The following RHBDL3 variants were observed in gnomAD, a reference collection of about 807,000 sequenced individuals.
RHBDL3 encodes rhomboid like 3.
In RHBDL3, 28 loss-of-function variants were observed where a neutral mutation model predicts 48.2. The ratio of observed to expected loss-of-function variants is 0.58; its 90% CI spans 0.43 to 0.80. The LOEUF is 0.80. RHBDL3 is among the 30% of genes least tolerant of loss of function. The pLI is 0.00. For missense variants in RHBDL3, 464 were observed against 542.7 expected (o/e 0.85, Z 1.44); for synonymous variants, 208 against 232.3 (o/e 0.90, Z 0.95).
intron 7 of RHBDL3, among the ~76,000 whole-genome samples, chr17:32,313,849 C>G (rs932318310): frequency 3.4e-5 from 5 of 146,196 alleles, no homozygotes; most frequent in African/African-American, 1.3e-4. Flanking sequence ...CTCTGCCTCC[C>G]GAGTTCACGC....
intron 2 of RHBDL3, among the ~76,000 whole-genome samples, chr17:32,270,679 CCCCCGATTCTT>C (rs1339913829): frequency 6.6e-6 from 1 of 152,076 alleles, no homozygotes. Flanking sequence ...CACCCTCACT[CCCCCGATTCTT>C]CCCCATGGGT....
chr17:32,296,901 C>T (rs977850018), intron 5 of RHBDL3, among the ~76,000 whole-genome samples: 1 of 151,874 alleles, frequency 6.6e-6, no homozygotes, highest in East Asian at 1.9e-4. Flanking sequence ...GCAACCTCCA[C>T]CTCCCAGGTT....
At chr17:32,309,811 G>A (rs545225326) in intron 7 of RHBDL3, among the ~76,000 whole-genome samples, 72 of 131,762 alleles carry the variant, frequency 5.5e-4, no homozygotes, top group African/African-American at 2.0e-3. Context: ...ACAGGGTTTC[G>A]CTGTGTCACC....
chr17:32,266,343 C>CG (rs774371122), intron 1 of RHBDL3, 43 bp downstream of exon 1: 1 of 1,132,240 alleles, frequency 8.8e-7, no homozygotes, highest in Non-Finnish European at 1.2e-6. Flanking sequence ...TAGGGGGCGC[C>CG]GGGGGGAAAA....
chr17:32,303,745 C>T (rs916715909), intron 6 of RHBDL3, among the ~76,000 whole-genome samples: 1 of 151,970 alleles, frequency 6.6e-6, no homozygotes, highest in Non-Finnish European at 1.5e-5. Flanking sequence ...GTAGGGGAGG[C>T]CTTGATGGAG....
intron 2 of RHBDL3, 146 bp from the exon 3 acceptor site, chr17:32,284,513 G>C: frequency 1.5e-6 from 1 of 676,640 alleles, no homozygotes; most frequent in Non-Finnish European, 2.5e-6. Context: ...TTCCCAGGGG[G>C]GTCCTTGGAA....
At chr17:32,274,291 C>G (rs960022687) in intron 2 of RHBDL3, among the ~76,000 whole-genome samples, 2 of 152,174 alleles carry the variant, frequency 1.3e-5, no homozygotes, top group African/African-American at 4.8e-5. Context: ...CTGGCAATTC[C>G]TGCTGGAGCT....
At chr17:32,276,384 C>A (rs569915932) in intron 2 of RHBDL3, among the ~76,000 whole-genome samples, 97 of 152,274 alleles carry the variant, frequency 6.4e-4, no homozygotes, top group African/African-American at 2.2e-3. Flanking sequence ...GAGAAAGCTC[C>A]TACTCCCCTA....
intron 6 of RHBDL3, among the ~76,000 whole-genome samples, chr17:32,305,052 C>T (rs2040675590): frequency 6.6e-6 from 1 of 151,362 alleles, no homozygotes; most frequent in Non-Finnish European, 1.5e-5. Flanking sequence ...GCCCGGGGGT[C>T]AAGGCTGTAG....
At position 32,321,599 on chromosome 17, in the gene RHBDL3, T is replaced by C; in HGVS notation, c.*370T>C. On this transcript the variant is annotated 3_prime_UTR_variant, in exon 9 of 9. Transcript: ENST00000269051. ...GCAGCTTCTTCCTCCTCCTCTACCC[T>C]CAGAGACCCTAAGAGACATGGGAAG... 2.5e-6 allele frequency: 1 copy of C among 393,488 alleles called. No individual in the cohort carries two copies. Among genetic ancestry groups the C allele is most frequent in the South Asian group, 2.2e-5 (1 of 45,340 alleles). 24.4% of individuals were successfully genotyped at this position (393,488 alleles called of 1,614,324 possible). A position where few individuals can be genotyped will look rare whatever the true frequency, so the allele number is the denominator to read the frequency against.
intron 3 of RHBDL3, among the ~76,000 whole-genome samples, chr17:32,285,289 C>T (rs1020751515): frequency 3.9e-5 from 6 of 152,088 alleles, no homozygotes; most frequent in East Asian, 3.8e-4. Context: ...GGGTAGATTG[C>T]GTTAAATCAA....
chr17:32,320,548 T>C (rs2150762504), intron 8 of RHBDL3, among the ~76,000 whole-genome samples: 1 of 152,278 alleles, frequency 6.6e-6, no homozygotes, highest in East Asian at 1.9e-4. Flanking sequence ...GGTCTCGAAC[T>C]CCTGACCTCA....
chr17:32,283,284 C>T (rs1484892175), intron 2 of RHBDL3, among the ~76,000 whole-genome samples: 1 of 148,028 alleles, frequency 6.8e-6, no homozygotes, highest in South Asian at 2.1e-4. Flanking sequence ...AAGGTCTTCT[C>T]TGGGAGAGGT....
chr17:32,287,966 T>C (rs1489447699), intron 3 of RHBDL3, among the ~76,000 whole-genome samples: 2 of 152,174 alleles, frequency 1.3e-5, no homozygotes, highest in Non-Finnish European at 2.9e-5. Context: ...ACCCAGTATG[T>C]GTCAGAGAAG....
chr17:32,318,699 CAGTA>C (rs370441698), intron 8 of RHBDL3, among the ~76,000 whole-genome samples: 114 of 152,186 alleles, frequency 7.5e-4, no homozygotes, highest in African/African-American at 2.7e-3. Flanking sequence ...CCAAGCTAGA[CAGTA>C]AGCACCTGGG....
rs1424899694 is a variant in RHBDL3, at chr17:32,321,292, G to A, written c.*63G>A. ...CAGCACCCACAGGGAGCGCCTGCGA[G>A]GTTTCTTCTCATCACCAGCTCAGCT... On this transcript the variant is annotated 3_prime_UTR_variant, in exon 9 of 9. Transcript: ENST00000269051. 1.9e-6 allele frequency: 3 copies of A among 1,607,492 alleles called. No homozygotes were observed. The highest frequency in any genetic ancestry group is 4.5e-5 in the East Asian group (2 of 44,682).
At chr17:32,294,226 T>G in intron 4 of RHBDL3, 68 bp from the exon 5 acceptor site, 1 of 1,371,316 alleles carries the variant, frequency 7.3e-7, no homozygotes, top group Non-Finnish European at 1.0e-6. Context: ...CTCCCAGTGC[T>G]AGTCAGCACA....
chr17:32,287,162 G>T (rs181100180), intron 3 of RHBDL3, among the ~76,000 whole-genome samples: 1 of 152,296 alleles, frequency 6.6e-6, no homozygotes, highest in East Asian at 1.9e-4. Flanking sequence ...CCATGGTCAT[G>T]GACTGTGCCC....
rs1021480284 is a variant in RHBDL3, at chr17:32,322,325, A to G, written c.*1096A>G. On this transcript the variant is annotated 3_prime_UTR_variant, in exon 9 of 9. Coordinates refer to ENST00000269051, the MANE Select transcript of RHBDL3 (RefSeq NM_138328.3). Reference sequence around the variant, plus strand: ...TTCCTTCCCATCTCCTGTCCCTTCCACACCTGCCCCTGAGCATCACTGACC... The same window carrying G: ...TTCCTTCCCATCTCCTGTCCCTTCCGCACCTGCCCCTGAGCATCACTGACC... 5 of 152,410 alleles carry G rather than the reference A, an allele frequency of 3.3e-5. No homozygotes were observed. The highest frequency in any genetic ancestry group is 9.7e-5 in the African/African-American group (4 of 41,400). The allele number at this position is 152,410 out of a possible 1,614,324, so 9.4% of individuals were successfully genotyped here.
Sources: allele counts gnomAD v4.1 joint callset (sites outside exome capture counted in the v4.1 genomes callset), GRCh38; gene constraint gnomAD v4.1.1; transcripts MANE v1.5; gene names NCBI Gene and HGNC (gene_info 2026-07-23, HGNC 2026-07-21).